Variants in TRIM4 observed in about 807,000 individuals in gnomAD.
TRIM4 encodes the protein tripartite motif containing 4, also known as E3 ubiquitin-protein ligase TRIM4.
In TRIM4, 29 loss-of-function variants were observed where a neutral mutation model predicts 33.7. The observed-to-expected ratio is 0.86, with a 90% CI of 0.64 to 1.17. The LOEUF (loss-of-function observed/expected upper bound fraction) is 1.17, where lower values mean the gene tolerates loss of function less well. Among genes scored for constraint, TRIM4 ranks in the 50% most tolerant of loss-of-function variants. The pLI is 0.00. For synonymous variants in TRIM4, 224 were observed against 233.0 expected, an observed-to-expected ratio of 0.96 and a Z score of 0.35; for missense variants, 554 against 593.7, an observed-to-expected ratio of 0.93 and a Z score of 0.69.
chr7:99,913,021 G>C (rs1819479671), intron 1 of TRIM4, among the ~76,000 whole-genome samples: 1 of 152,082 alleles, frequency 6.6e-6, no homozygotes, highest in Non-Finnish European at 1.5e-5. Flanking sequence ...ATGTATATGA[G>C]GTTTGTAATG....
At chr7:99,917,087 C>T (rs1382396423) in intron 1 of TRIM4, among the ~76,000 whole-genome samples, 1 of 152,214 alleles carries the variant, frequency 6.6e-6, no homozygotes, top group Non-Finnish European at 1.5e-5. Context: ...AGAGCTAACA[C>T]ATTTAACTCC....
chr7:99,893,337 C>A (rs1818940220), intron 5 of TRIM4, among the ~76,000 whole-genome samples: 1 of 140,804 alleles, frequency 7.1e-6, no homozygotes. Flanking sequence ...TCACAAACAG[C>A]CTAAAATTTG....
chr7:99,913,694 T>TAAAA (rs1443590784), intron 1 of TRIM4, among the ~76,000 whole-genome samples: 2 of 151,628 alleles, frequency 1.3e-5, no homozygotes, highest in African/African-American at 2.4e-5. Flanking sequence ...AATAAATAAA[T>TAAAA]AAAAATAATA....
intron 5 of TRIM4, among the ~76,000 whole-genome samples, chr7:99,897,807 C>T (rs1209371706): frequency 6.6e-6 from 1 of 152,224 alleles, no homozygotes; most frequent in East Asian, 1.9e-4. Context: ...AGGGCCCAAT[C>T]CACTTTGTAT....
At position 99,892,632 on chromosome 7, in the gene TRIM4, C is replaced by T; in HGVS notation, c.956G>A (p.Trp319Ter). The T allele has an allele frequency of 1.9e-6, 3 of 1,614,198 alleles. No individual in the cohort carries two copies. In the South Asian group the frequency reaches 3.3e-5, roughly 18 times the overall value. Residue 319 changes from tryptophan (W) to a stop codon, truncating the protein, a stop_gained, in exon 6 of 6, where the codon TGG becomes TAG. Transcript: ENST00000349062. LOFTEE classifies it low-confidence loss of function (END_TRUNC). Reference sequence around the variant, plus strand: ...ATTCCTCCATCCAGCAAAGTAGTTCCATGCTGAAGAAAACACTGGCCAAGA... The same window carrying T: ...ATTCCTCCATCCAGCAAAGTAGTTCTATGCTGAAGAAAACACTGGCCAAGA... ...ASSWPVFSSA[W>*]NYFAGWRNPQ...
At chr7:99,914,703 A>G (rs1563089042) in intron 1 of TRIM4, among the ~76,000 whole-genome samples, 2 of 152,124 alleles carry the variant, frequency 1.3e-5, no homozygotes, top group Non-Finnish European at 2.9e-5. Context: ...CTCTTCCCAC[A>G]GTTCCTCAGA....
chr7:99,914,051 T>G (rs1385425108), intron 1 of TRIM4, among the ~76,000 whole-genome samples: 1 of 152,210 alleles, frequency 6.6e-6, no homozygotes, highest in Non-Finnish European at 1.5e-5. Context: ...CTGGTAGGTG[T>G]ACTTTGGAAA....
intron 2 of TRIM4, 78 bp downstream of exon 2, chr7:99,909,487 A>C: frequency 7.9e-7 from 1 of 1,271,464 alleles, no homozygotes; most frequent in Middle Eastern, 1.9e-4. Context: ...CCATGACCAA[A>C]AGGACCTCAG....
Position 99,892,547 on chromosome 7 carries a change from G to GT in TRIM4, c.1040dup (p.Asn347LysfsTer13). The GT allele has an allele frequency of 6.2e-7, 1 of 1,614,174 alleles. No individual in the cohort carries two copies. The highest frequency in any genetic ancestry group is 8.5e-7 in the Non-Finnish European group (1 of 1,180,018). On this transcript the variant is annotated frameshift_variant, in exon 6 of 6. Coordinates refer to ENST00000349062, the MANE Select transcript of TRIM4 (RefSeq NM_033091.3). LOFTEE classifies it low-confidence loss of function (END_TRUNC). ...AGTAATGTTTCCCTGAGGTGAAAAC[G>GT]TTTTTTCCCAGAACACAGGGTAAGT...
intron 1 of TRIM4, among the ~76,000 whole-genome samples, chr7:99,914,031 T>C (rs577835177): frequency 7.2e-5 from 11 of 152,350 alleles, no homozygotes; most frequent in Admixed American, 4.6e-4. Context: ...ACTTCTGCAA[T>C]TGATCCAAGC....
Position 99,919,237 on chromosome 7 carries a change from T to C in TRIM4, c.165A>G (p.Pro55=). Reference sequence around the variant, plus strand: ...TGGGTCGCAGCGCGGCGGGCGCCGATGGGTGCCGACATTCGGGGCAGGGGA... The same window carrying C: ...TGGGTCGCAGCGCGGCGGGCGCCGACGGGTGCCGACATTCGGGGCAGGGGA... ...GPFPCPECRH[P]SAPAALRPNW... The change falls in exon 1 of 6, where the codon CCA becomes CCG. Residue 55 remains proline (P), a synonymous_variant. Coordinates refer to ENST00000349062, the MANE Select transcript of TRIM4 (RefSeq NM_033091.3). 1 of 1,530,902 alleles carries C rather than the reference T, an allele frequency of 6.5e-7. No homozygotes were observed. The highest frequency in any genetic ancestry group is 1.2e-5 in the South Asian group (1 of 82,716). 94.8% of individuals were successfully genotyped at this position (1,530,902 alleles called of 1,614,324 possible).
At chr7:99,901,985 C>A in intron 5 of TRIM4, 1 of 638,404 alleles carries the variant, frequency 1.6e-6, no homozygotes, top group South Asian at 1.8e-5. Flanking sequence ...CTCCCTGGCT[C>A]TACCTCAGTT....
chr7:99,901,624 T>C (rs1456278197), intron 5 of TRIM4: 1 of 152,700 alleles, frequency 6.5e-6, no homozygotes, highest in Non-Finnish European at 1.5e-5. Context: ...AGTCAAGGGC[T>C]AAATATTTTC....
rs572781651 is a variant in TRIM4, at chr7:99,900,742, GT to G, written c.841+2475del. Among the ~76,000 whole-genome samples, 31 of 152,246 alleles carry G rather than the reference GT, an allele frequency of 2.0e-4. No individual in the cohort carries two copies. The East Asian group carries it at 2.7e-3, about 13-fold the overall frequency. On this transcript the variant is annotated intron_variant, in intron 5 of 5. Transcript: ENST00000349062. ...CCAGTTCTAGAACTCTAGGTTAACA[GT>G]TTTTTTCTTTCAGGACTTTAAAGAG...
intron 3 of TRIM4, among the ~76,000 whole-genome samples, chr7:99,905,814 C>T (rs1012373075): frequency 2.0e-5 from 3 of 152,206 alleles, no homozygotes; most frequent in East Asian, 1.9e-4. Flanking sequence ...GAAGCCAGTA[C>T]GAAAGAGTGC....
chr7:99,918,734 C>T (rs1030462112), intron 1 of TRIM4, among the ~76,000 whole-genome samples: 4 of 151,954 alleles, frequency 2.6e-5, no homozygotes, highest in African/African-American at 7.3e-5. Context: ...CGGCACACAC[C>T]CTCTCAGTAT....
intron 1 of TRIM4, among the ~76,000 whole-genome samples, chr7:99,911,334 A>G (rs1191804922): frequency 6.6e-6 from 1 of 152,194 alleles, no homozygotes; most frequent in Non-Finnish European, 1.5e-5. Flanking sequence ...CCAAGAGAGA[A>G]TGGTTTCTCC....
chr7:99,915,370 A>C (rs1819531892), intron 1 of TRIM4, among the ~76,000 whole-genome samples: 1 of 152,224 alleles, frequency 6.6e-6, no homozygotes, highest in Non-Finnish European at 1.5e-5. Context: ...AGAGTCAGGC[A>C]TGAAGGAAAA....
chr7:99,903,206 A>C lies in TRIM4; in HGVS notation c.841+12T>G. ...TTTCTAAGGAGCCCCAAGTCCTAGA[A>C]ATTCTGCTCACCTTGGAATCGCTTT... On this transcript the variant is annotated intron_variant, in intron 5 of 5. Coordinates refer to ENST00000349062, the MANE Select transcript of TRIM4 (RefSeq NM_033091.3). 1 of 1,600,656 alleles carries C rather than the reference A, an allele frequency of 6.2e-7. No individual in the cohort carries two copies. The highest frequency in any genetic ancestry group is 8.5e-7 in the Non-Finnish European group (1 of 1,173,172).
Sources: allele counts gnomAD v4.1 joint callset (sites outside exome capture counted in the v4.1 genomes callset), GRCh38; gene constraint gnomAD v4.1.1; transcripts MANE v1.5; gene names NCBI Gene and HGNC (gene_info 2026-07-23, HGNC 2026-07-21).